Variants in BCOR observed in about 807,000 individuals in gnomAD.
BCOR encodes BCL6 corepressor.
In BCOR, 10 loss-of-function variants were observed where a neutral mutation model predicts 86.7. The ratio of observed to expected loss-of-function variants is 0.12; its 90% confidence interval spans 0.07 to 0.20. The LOEUF (loss-of-function observed/expected upper bound fraction) is 0.20, where lower values mean the gene tolerates loss of function less well. BCOR is among the 10% of genes least tolerant of loss of function. The pLI is 1.00. For missense variants in BCOR, 1,259 were observed against 1,452.1 expected (o/e 0.87, Z 2.16); for synonymous variants, 611 against 609.0 (o/e 1.00, Z -0.05).
intron 1 of BCOR, among the ~76,000 whole-genome samples, chrX:40,092,392 G>T (rs765458920): frequency 9.0e-6 from 1 of 110,840 alleles, no homozygotes; most frequent in South Asian, 3.8e-4. Flanking sequence ...GTTTACGTGC[G>T]CGTCTGGGGT....
chrX:40,097,991 C>T (rs1304356583), upstream of BCOR, among the ~76,000 whole-genome samples: 3 of 107,935 alleles, frequency 2.8e-5, no homozygotes, highest in Non-Finnish European at 5.8e-5. Context: ...ACGCGTCCCC[C>T]CTCCCTGGTT....
chrX:40,062,941 T>C lies in BCOR; in HGVS notation c.3978A>G (p.Glu1326=), dbSNP rs908375616. 122 of 1,200,267 alleles carry C rather than the reference T, an allele frequency of 1.0e-4. No homozygotes were observed. Among genetic ancestry groups the C allele is most frequent in the Non-Finnish European group, 1.3e-4 (116 of 889,717 alleles). The change falls in exon 9 of 15, where the codon GAA becomes GAG. Residue 1326 remains glutamate, a synonymous_variant. Transcript: ENST00000378444. ...RPPAKQQKIK[E]NQKTDVLCAD... is the part of the protein sequence containing the mutation. ...CACACAGCACATCTGTCTTCTGGTT[T>C]TCTTTAATTTTCTGCTGTTTGGCAG...
rs755932221 is a variant in BCOR, at chrX:40,052,423, C to CT, written c.4977-24dup. 4.3e-5 allele frequency: 51 copies of CT among 1,199,657 alleles called. No individual in the cohort carries two copies. The East Asian group carries it at 1.4e-3, about 33-fold the overall frequency. On this transcript the variant is annotated intron_variant, in intron 14 of 14. Transcript: ENST00000378444. ...GGCCTACAAAACAGAAAGGAAAATGCTTTGAGTTTCCAGTAAAATGAAAAG... is the reference window on the plus strand; with the variant it reads ...GGCCTACAAAACAGAAAGGAAAATGCTTTTGAGTTTCCAGTAAAATGAAAAG...
chrX:40,092,407 G>A (rs1391149942), intron 1 of BCOR, among the ~76,000 whole-genome samples: 3 of 110,629 alleles, frequency 2.7e-5, no homozygotes, highest in Non-Finnish European at 3.8e-5. Flanking sequence ...TGGGGTCACC[G>A]AGGCGCCTGC....
chrX:40,175,188 C>A (rs773025977), intron 1 of BCOR, among the ~76,000 whole-genome samples: 9 of 113,033 alleles, frequency 8.0e-5, no homozygotes, highest in African/African-American at 2.6e-4. Flanking sequence ...GGCTCTCCTC[C>A]GAGGGGCTCA....
chrX:40,069,360 A>G (rs1935359154), intron 6 of BCOR, among the ~76,000 whole-genome samples: 1 of 112,240 alleles, frequency 8.9e-6, no homozygotes, highest in East Asian at 2.8e-4. Context: ...TGCTCCAAGA[A>G]CACAGCCTGT....
intron 1 of BCOR, among the ~76,000 whole-genome samples, chrX:40,110,605 C>CCTG (rs1407302023): frequency 1.2e-4 from 12 of 99,217 alleles, no homozygotes; most frequent in Admixed American, 8.0e-4. Flanking sequence ...GTTTGTAGAT[C>CCTG]CTGTACCTCT....
At chrX:40,061,545 G>A (rs149492516) in intron 10 of BCOR, among the ~76,000 whole-genome samples, 2 of 111,082 alleles carry the variant, frequency 1.8e-5, no homozygotes, top group African/African-American at 6.6e-5. Context: ...GCTAGGAGGA[G>A]GATGAGCAGG....
intron 1 of BCOR, among the ~76,000 whole-genome samples, chrX:40,162,377 A>G (rs1324676106): frequency 2.7e-5 from 3 of 111,540 alleles, no homozygotes; most frequent in Non-Finnish European, 5.6e-5. Context: ...CTTAGTTCTG[A>G]CCCACCTGCT....
At position 40,073,955 on chromosome X, in the gene BCOR, G is replaced by T; in HGVS notation, c.1391C>A (p.Thr464Lys). 8.2e-7 allele frequency: 1 copy of T among 1,212,245 alleles called. No individual in the cohort carries two copies. Among genetic ancestry groups the T allele is most frequent in the South Asian group, 1.8e-5 (1 of 57,028 alleles). ...KADHMKKMAP[T>K]VLVHSRAGSG... ...TCCAGCCCTGCTGTGAACCAGGACC[G>T]TGGGAGCCATCTTTTTCATGTGGTC... Residue 464 changes from threonine (T) to lysine (K), a missense_variant, in exon 4 of 15, where the codon ACG becomes AAG. Physicochemically the swap from Thr to Lys is moderately conservative, Grantham distance 78 (BLOSUM62 -1). Around this residue, in one of 7 missense-constraint regions of BCOR, gnomAD observed 534 missense variants for 594.8 expected, o/e 0.90. Transcript: ENST00000378444.
At chrX:40,081,165 G>A (rs781443831) in intron 1 of BCOR, among the ~76,000 whole-genome samples, 3 of 111,379 alleles carry the variant, frequency 2.7e-5, no homozygotes, top group Non-Finnish European at 5.7e-5. Flanking sequence ...AGTGGAAAGG[G>A]CCAATGAGCA....
chrX:40,172,825 A>G (rs1268479585), intron 1 of BCOR, among the ~76,000 whole-genome samples: 1 of 112,682 alleles, frequency 8.9e-6, no homozygotes, highest in East Asian at 2.8e-4. Flanking sequence ...CCGCAGGCGG[A>G]CGTTTAGCTC....
chrX:40,168,764 A>G (rs922169582), intron 1 of BCOR, among the ~76,000 whole-genome samples: 1 of 113,359 alleles, frequency 8.8e-6, no homozygotes, highest in Non-Finnish European at 1.9e-5. Flanking sequence ...GCCTTTCATT[A>G]CGGGGCCTAC....
chrX:40,055,844 C>T (rs1379884854), intron 11 of BCOR, among the ~76,000 whole-genome samples: 2 of 106,388 alleles, frequency 1.9e-5, no homozygotes, highest in East Asian at 3.0e-4. Flanking sequence ...TGGGGGTGGA[C>T]AGGGTCTCAC....
rs780523057 is a variant in BCOR, at chrX:40,072,917, C to T, written c.2429G>A (p.Arg810Gln). 20 of 1,209,611 alleles carry T rather than the reference C, an allele frequency of 1.7e-5. No homozygotes were observed. Among genetic ancestry groups the T allele is most frequent in the Non-Finnish European group, 2.1e-5 (19 of 895,097 alleles). ...GTCAGTTTTAGCATCTGGTTCTTCTCGGAGAAGGTCTACGTAGACAAGCTT... is the reference window on the plus strand; with the variant it reads ...GTCAGTTTTAGCATCTGGTTCTTCTTGGAGAAGGTCTACGTAGACAAGCTT... Reference protein sequence around the residue: ...SDKLVYVDLLREEPDAKTDTN... With the variant: ...SDKLVYVDLLQEEPDAKTDTN... The change falls in exon 4 of 15, where the codon CGA (arginine) becomes CAA (glutamine). Residue 810 changes from arginine (R) to glutamine (Q), a missense_variant. By Grantham distance (43) the Arg-to-Gln change is conservative (BLOSUM62 1). Transcript: ENST00000378444.
chrX:40,099,959 G>T (rs1463427789), upstream of BCOR, among the ~76,000 whole-genome samples: 1 of 111,878 alleles, frequency 8.9e-6, no homozygotes, highest in East Asian at 2.8e-4. Context: ...TTTTCTTCCT[G>T]GTCTTTCTGG....
At chrX:40,107,696 C>G (rs752649537) in intron 1 of BCOR, among the ~76,000 whole-genome samples, 8 of 112,998 alleles carry the variant, frequency 7.1e-5, no homozygotes, top group African/African-American at 2.6e-4. Context: ...GCGGGGCGGG[C>G]CTCCTGACCA....
At chrX:40,058,260 T>C (rs953147342) in intron 10 of BCOR, among the ~76,000 whole-genome samples, 2 of 112,401 alleles carry the variant, frequency 1.8e-5, no homozygotes, top group South Asian at 3.7e-4. Context: ...ATTTAGTCCA[T>C]GTTTTATTAC....
rs2147332924 is a variant in BCOR at position 40,077,940 on chromosome X, G to A, written c.-11C>T. ...GGTTGCTGAGAGCATGTCGTCTTCT[G>A]GGATGGCAGCTTTGCTTCAAGCGTC... On this transcript the variant is annotated 5_prime_UTR_variant, in exon 2 of 15. Coordinates refer to ENST00000378444, the MANE Select transcript of BCOR (RefSeq NM_001123385.2). 2.5e-6 allele frequency: 3 copies of A among 1,192,473 alleles called. No individual in the cohort carries two copies. In the East Asian group the frequency reaches 8.9e-5, roughly 35 times the overall value.
Sources: gnomAD v4.1 joint callset for allele counts (sites outside exome capture counted in the v4.1 genomes callset) on GRCh38, gnomAD v4.1.1 for gene constraint, gnomAD v4.1.1 regional missense constraint, MANE v1.5 for transcripts, NCBI Gene and HGNC (gene_info 2026-07-23, HGNC 2026-07-21) for gene names.